Variants in CCSER1 observed in about 807,000 individuals in gnomAD.
The protein encoded by CCSER1 is serine-rich coiled-coil domain-containing protein 1.
Under a neutral mutation model 82.0 loss-of-function variants are expected in CCSER1, and 41 were observed. That is an observed-to-expected ratio of 0.50 (90% CI 0.39 to 0.65). The LOEUF (loss-of-function observed/expected upper bound fraction) is 0.65. CCSER1 is among the 30% of genes least tolerant of loss of function. The probability of loss-of-function intolerance (pLI) is 0.00; values close to 1 mark genes in which losing one functional copy is unlikely to be tolerated. For synonymous variants in CCSER1, 414 were observed against 383.9 expected (o/e 1.08, Z -0.92); for missense variants, 1,119 against 1,064.2 (o/e 1.05, Z -0.72).
intron 10 of CCSER1, among the ~76,000 whole-genome samples, chr4:91,401,975 ACT>A (rs1274376999): frequency 6.6e-6 from 1 of 152,202 alleles, no homozygotes; most frequent in African/African-American, 2.4e-5. Context: ...GAATTTCCAC[ACT>A]GTCTTCCACA....
chr4:90,938,845 A>G (rs535336857), intron 9 of CCSER1: 6 of 164,914 alleles, frequency 3.6e-5, no homozygotes, highest in Non-Finnish European at 6.7e-5. Context: ...TAATATAGAA[A>G]AATTTTCAGT....
Position 91,415,767 on chromosome 4 carries a change from T to G in CCSER1, c.2218-182805T>G, listed in dbSNP as rs112877982. Among the ~76,000 whole-genome samples, 225 of 152,248 alleles carry G rather than the reference T, an allele frequency of 1.5e-3. 1 individual carries two copies. The highest frequency in any genetic ancestry group is 5.2e-3 in the African/African-American group (218 of 41,556). On this transcript the variant is annotated intron_variant, in intron 10 of 10. Coordinates refer to ENST00000509176, the MANE Select transcript of CCSER1 (RefSeq NM_001145065.2). ...CATTCCAGGAAGAAGCCAATTTGAT[T>G]GTGTTATATAAGCTTTCTGATGTGC...
intron 1 of CCSER1, among the ~76,000 whole-genome samples, chr4:90,156,257 T>A (rs530998980): frequency 6.6e-6 from 1 of 152,322 alleles, no homozygotes; most frequent in South Asian, 2.1e-4. Context: ...ATAATTTCTG[T>A]TCTTTTACAT....
At chr4:91,048,311 TAAACA>T (rs1187672768) in intron 9 of CCSER1, among the ~76,000 whole-genome samples, 1 of 151,924 alleles carries the variant, frequency 6.6e-6, no homozygotes, top group African/African-American at 2.4e-5. Flanking sequence ...CAATAACAAC[TAAACA>T]AATTTCCTTC....
intron 10 of CCSER1, among the ~76,000 whole-genome samples, chr4:91,205,202 T>C (rs1736239777): frequency 6.6e-6 from 1 of 151,812 alleles, no homozygotes; most frequent in South Asian, 2.1e-4. Flanking sequence ...TAATTAAATT[T>C]TTTCTTCAAT....
chr4:90,782,685 C>CTTTCTTTT (rs1428237096), intron 7 of CCSER1, among the ~76,000 whole-genome samples: 1 of 133,982 alleles, frequency 7.5e-6, no homozygotes, highest in African/African-American at 2.8e-5. Flanking sequence ...TTCTTTCTTT[C>CTTTCTTTT]TTTTTTTTTT....
At chr4:90,418,673 A>C (rs1444981637) in intron 4 of CCSER1, among the ~76,000 whole-genome samples, 1 of 152,020 alleles carries the variant, frequency 6.6e-6, no homozygotes, top group African/African-American at 2.4e-5. Flanking sequence ...TAATAAAATT[A>C]ATTCATGTAA....
At chr4:91,209,040 A>G (rs906491598) in intron 10 of CCSER1, among the ~76,000 whole-genome samples, 1 of 151,764 alleles carries the variant, frequency 6.6e-6, no homozygotes, top group African/African-American at 2.4e-5. Context: ...TAGGAATGCT[A>G]CTAATTTTTG....
intron 9 of CCSER1, among the ~76,000 whole-genome samples, chr4:91,023,561 A>G (rs1312527617): frequency 6.6e-6 from 1 of 152,228 alleles, no homozygotes; most frequent in African/African-American, 2.4e-5. Context: ...TGGGGAAAGG[A>G]TTCCCTGTTT....
intron 7 of CCSER1, among the ~76,000 whole-genome samples, chr4:90,799,522 C>T (rs1756504511): frequency 6.6e-6 from 1 of 152,130 alleles, no homozygotes; most frequent in Non-Finnish European, 1.5e-5. Flanking sequence ...CACAATCCAC[C>T]AGTGCAGAAG....
intron 10 of CCSER1, among the ~76,000 whole-genome samples, chr4:91,292,926 A>T (rs1028680111): frequency 1.5e-4 from 23 of 151,924 alleles, no homozygotes; most frequent in African/African-American, 5.6e-4. Context: ...CCCATATGAC[A>T]TCTACAGAGA....
chr4:90,288,445 A>G (rs993428505), intron 1 of CCSER1, among the ~76,000 whole-genome samples: 1 of 151,962 alleles, frequency 6.6e-6, no homozygotes, highest in Non-Finnish European at 1.5e-5. Flanking sequence ...CATCACTGTT[A>G]AAGATCATCT....
chr4:91,040,637 G>A (rs534562235), intron 9 of CCSER1, among the ~76,000 whole-genome samples: 7 of 152,156 alleles, frequency 4.6e-5, no homozygotes, highest in African/African-American at 1.7e-4. Context: ...TCAGTGGGAT[G>A]TTTAGAGCAG....
rs2148932915 is a variant in CCSER1 at position 91,142,703 on chromosome 4, G to A, written c.2217+56709G>A. ...AGTTTCTTTCTTCTGCATGTAGTTA[G>A]CCAGTTATTGCAACATCATTTATTG... On this transcript the variant is annotated intron_variant, in intron 10 of 10. Coordinates refer to ENST00000509176, the MANE Select transcript of CCSER1 (RefSeq NM_001145065.2). Among the ~76,000 whole-genome samples, 2 of 152,228 alleles carry A rather than the reference G, an allele frequency of 1.3e-5. 1 individual carries two copies. The highest frequency in any genetic ancestry group is 2.9e-5 in the Non-Finnish European group (2 of 68,010).
At chr4:91,506,608 T>C (rs1056804997) in intron 10 of CCSER1, among the ~76,000 whole-genome samples, 1 of 152,180 alleles carries the variant, frequency 6.6e-6, no homozygotes, top group Non-Finnish European at 1.5e-5. Context: ...CTTATTCTTA[T>C]CAACTTTAGT....
chr4:91,015,603 A>G (rs1403029912), intron 9 of CCSER1: 1 of 151,860 alleles, frequency 6.6e-6, no homozygotes, highest in Non-Finnish European at 1.5e-5. Flanking sequence ...ATTATTATGT[A>G]AATTAATTTT....
intron 5 of CCSER1, among the ~76,000 whole-genome samples, chr4:90,563,805 G>C (rs927226120): frequency 6.6e-6 from 1 of 152,176 alleles, no homozygotes; most frequent in Non-Finnish European, 1.5e-5. Flanking sequence ...ATACCCAGTA[G>C]AGAAATTGCT....
At chr4:91,164,613 T>C (rs1731829558) in intron 10 of CCSER1, among the ~76,000 whole-genome samples, 1 of 152,188 alleles carries the variant, frequency 6.6e-6, no homozygotes. Flanking sequence ...ATATTTCTTG[T>C]AGGCTTTGTT....
At chr4:91,582,415 G>A (rs977392930) in intron 10 of CCSER1, among the ~76,000 whole-genome samples, 1 of 151,590 alleles carries the variant, frequency 6.6e-6, no homozygotes, top group African/African-American at 2.4e-5. Context: ...TGATTGAAAT[G>A]ACACTTGAAG....
Sources: allele counts gnomAD v4.1 joint callset (sites outside exome capture counted in the v4.1 genomes callset), GRCh38; gene constraint gnomAD v4.1.1; transcripts MANE v1.5; gene names NCBI Gene and HGNC (gene_info 2026-07-23, HGNC 2026-07-21).